The following HIVEP2 variants were observed in gnomAD, a reference collection of about 807,000 sequenced individuals.
HIVEP2 encodes HIVEP zinc finger 2, also known as transcription factor HIVEP2.
A neutral mutation model predicts 180.7 loss-of-function variants in HIVEP2; 14 were observed. That is an observed-to-expected ratio of 0.08 (90% CI 0.05 to 0.12). The LOEUF is 0.12. HIVEP2 is among the 10% of genes least tolerant of loss of function. HIVEP2 has a pLI of 1.00. For synonymous variants in HIVEP2, 1,184 were observed against 1,136.4 expected, an observed-to-expected ratio of 1.04 and a Z score of -0.84; for missense variants, 2,579 against 3,008.5, an observed-to-expected ratio of 0.86 and a Z score of 3.34.
intron 6 of HIVEP2, among the ~76,000 whole-genome samples, chr6:142,766,395 C>T (rs191955188): frequency 5.3e-4 from 80 of 152,192 alleles, no homozygotes; most frequent in African/African-American, 1.9e-3. Flanking sequence ...TTATCTTTGT[C>T]TTTTGCAATA....
chr6:142,774,308 T>C lies in HIVEP2; in HGVS notation c.431A>G (p.His144Arg), dbSNP rs750106501. The C allele has an allele frequency of 3.1e-6, 5 of 1,613,988 alleles. No homozygotes were observed. Among genetic ancestry groups the C allele is most frequent in the East Asian group, 2.2e-5 (1 of 44,890 alleles). The stretch of plus-strand genomic sequence containing the variant: ...TCTAGGATAACCACCACTGTGGCCA[T>C]GTATAGGAAAAGGAAATAAGTCCTC... ...ASEDLFPFPI[H>R]GHSGGYPRKK... The change falls in exon 5 of 10, where the codon CAT becomes CGT. Residue 144 changes from histidine (H) to arginine (R), a missense_variant. Around this residue, in one of 11 missense-constraint regions of HIVEP2, gnomAD observed 207 missense variants for 210.1 expected, o/e 0.99. Coordinates refer to ENST00000367603, the MANE Select transcript of HIVEP2 (RefSeq NM_006734.4). The surrounding 1 kb of genome is among the most constrained non-coding windows in gnomAD (Gnocchi z 5.1).
intron 3 of HIVEP2, among the ~76,000 whole-genome samples, chr6:142,777,329 T>A (rs182641608): frequency 1.3e-5 from 2 of 151,944 alleles, no homozygotes; most frequent in African/African-American, 4.8e-5. Context: ...GATAGTAACA[T>A]TAAATGCAAG....
intron 1 of HIVEP2, chr6:142,944,780 A>T (rs1582984327): frequency 6.6e-6 from 1 of 152,334 alleles, no homozygotes. Flanking sequence ...ACAGACAAAC[A>T]CGCATGCAAA....
At chr6:142,874,217 T>C (rs941348940) in intron 1 of HIVEP2, among the ~76,000 whole-genome samples, 2 of 152,178 alleles carry the variant, frequency 1.3e-5, no homozygotes, top group African/African-American at 2.4e-5. Context: ...TTTCAACTAC[T>C]CATGAATATA....
At chr6:142,861,588 G>T (rs1775978948) in intron 1 of HIVEP2, among the ~76,000 whole-genome samples, 1 of 152,088 alleles carries the variant, frequency 6.6e-6, no homozygotes, top group Admixed American at 6.6e-5. Flanking sequence ...GTTGGTAAAA[G>T]GTAATGAGTA....
chr6:142,925,140 G>C (rs1777774260), intron 1 of HIVEP2, among the ~76,000 whole-genome samples: 1 of 152,134 alleles, frequency 6.6e-6, no homozygotes, highest in East Asian at 1.9e-4. Flanking sequence ...AGTTCTCCTT[G>C]TTCTACCACA....
chr6:142,801,023 T>C (rs1360367368), intron 2 of HIVEP2, among the ~76,000 whole-genome samples: 1 of 151,884 alleles, frequency 6.6e-6, no homozygotes, highest in Admixed American at 6.6e-5. Context: ...CCTCACTATA[T>C]AGTGTGGGGA....
rs769811070 is a variant in HIVEP2, at chr6:142,771,544, T to C, written c.3195A>G (p.Ala1065=). The C allele has an allele frequency of 6.2e-7, 1 of 1,613,936 alleles. No homozygotes were observed. Among genetic ancestry groups the C allele is most frequent in the Middle Eastern group, 1.7e-4 (1 of 6,060 alleles). ...NLSHAPVSGA[A]ASTVSPSRER... is the part of the protein sequence containing the mutation. ...CCCTGGACGGTGATACCGTGGAGGC[T>C]GCTGCTCCCGACACAGGAGCATGGG... Residue 1065 remains alanine, a synonymous_variant, in exon 5 of 10, where the codon GCA becomes GCG. Coordinates refer to ENST00000367603, the MANE Select transcript of HIVEP2 (RefSeq NM_006734.4). The surrounding 1 kb of genome is among the most constrained non-coding windows in gnomAD (Gnocchi z 5.4).
In HIVEP2 at chr6:142,774,382, G is replaced by A. The variant is rs532517280; in HGVS notation, c.357C>T (p.Leu119=). 3.1e-6 allele frequency: 5 copies of A among 1,614,174 alleles called. No individual in the cohort carries two copies. The African/African-American group carries it at 4.0e-5, about 13-fold the overall frequency. Residue 119 remains leucine, a synonymous_variant, in exon 5 of 10, where the codon CTC becomes CTT. Transcript: ENST00000367603. The surrounding 1 kb of genome is among the most constrained non-coding windows in gnomAD (Gnocchi z 5.1). ...CAGGGAAAAGCCACGGAGGACCTTC[G>A]AGGCTCTGATGTGGCTTGGTGCTGT... is the stretch of plus-strand genomic sequence containing the variant. ...VMHSTKPHQS[L]EGPPWLFPGP...
At position 142,770,832 on chromosome 6, in the gene HIVEP2, T is replaced by C. The variant is rs1775517498; in HGVS notation, c.3907A>G (p.Ser1303Gly). 1 of 1,614,230 alleles carries C rather than the reference T, an allele frequency of 6.2e-7. No individual in the cohort carries two copies. Among genetic ancestry groups the C allele is most frequent in the Non-Finnish European group, 8.5e-7 (1 of 1,180,034 alleles). ...LLPKFPSDQSSKSTETPSEQV... is the reference protein window; with the variant it reads ...LLPKFPSDQSGKSTETPSEQV... ...TCAGAGGGCGTTTCAGTTGACTTAC[T>C]GCTCTGGTCTGATGGAAACTTTGGA... The change falls in exon 5 of 10, where the codon AGT (serine) becomes GGT (glycine). Residue 1303 changes from serine to glycine, a missense_variant. By Grantham distance (56) the Ser-to-Gly change is moderately conservative (BLOSUM62 0). Transcript: ENST00000367603. The surrounding 1 kb of genome is among the most constrained non-coding windows in gnomAD (Gnocchi z 4.7).
At chr6:142,910,652 C>A (rs1777378973) in intron 1 of HIVEP2, among the ~76,000 whole-genome samples, 2 of 152,124 alleles carry the variant, frequency 1.3e-5, no homozygotes, top group African/African-American at 4.8e-5. Context: ...CAACAACAAA[C>A]CTACACTTCT....
chr6:142,820,337 TC>T (rs1270576082), intron 2 of HIVEP2, among the ~76,000 whole-genome samples: 2 of 131,062 alleles, frequency 1.5e-5, no homozygotes, highest in South Asian at 4.7e-4. Context: ...CCTCACCACC[TC>T]CCCTCCCTCT....
At chr6:142,805,297 G>A (rs1467263935) in intron 2 of HIVEP2, among the ~76,000 whole-genome samples, 1 of 152,050 alleles carries the variant, frequency 6.6e-6, no homozygotes, top group African/African-American at 2.4e-5. Context: ...GCTCCCCATG[G>A]AGGGACAGGG....
In HIVEP2 at chr6:142,810,774, A is replaced by C. The variant is rs927962272; in HGVS notation, c.-528+26161T>G. Among the ~76,000 whole-genome samples the C allele has an allele frequency of 1.2e-4, 18 of 151,710 alleles. No individual in the cohort carries two copies. In the South Asian group the frequency reaches 3.3e-3, roughly 28 times the overall value. ...AAGACTCTGTCTCAAAAAAAAAAAA[A>C]AAAAACAAAAAAAGAAAGAAAGAAA... On this transcript the variant is annotated intron_variant, in intron 2 of 9. Coordinates refer to ENST00000367603, the MANE Select transcript of HIVEP2 (RefSeq NM_006734.4).
At chr6:142,920,003 T>C (rs1266057624) in intron 1 of HIVEP2, among the ~76,000 whole-genome samples, 2 of 152,236 alleles carry the variant, frequency 1.3e-5, no homozygotes, top group African/African-American at 4.8e-5. Context: ...TATATTTTTA[T>C]GTCATTAGAC....
intron 2 of HIVEP2, among the ~76,000 whole-genome samples, chr6:142,800,487 C>T (rs1582871245): frequency 6.6e-6 from 1 of 151,984 alleles, no homozygotes; most frequent in South Asian, 2.1e-4. Flanking sequence ...GCCTAATATG[C>T]TCAGAAACAA....
intron 9 of HIVEP2, 46 bp from the exon 10 acceptor site, chr6:142,753,977 C>T: frequency 9.8e-7 from 1 of 1,024,440 alleles, no homozygotes; most frequent in Non-Finnish European, 1.5e-6. Flanking sequence ...GCCTGCTACG[C>T]TTCATTCTTA....
chr6:142,930,839 T>G (rs1777927062), intron 1 of HIVEP2, among the ~76,000 whole-genome samples: 1 of 152,182 alleles, frequency 6.6e-6, no homozygotes, highest in Non-Finnish European at 1.5e-5. Context: ...AAATTATTTT[T>G]TATTACAATA....
At position 142,944,348 on chromosome 6, in the gene HIVEP2, G is replaced by C. The variant is rs560132189; in HGVS notation, c.-641+751C>G. 2.9e-5 allele frequency among the ~76,000 whole-genome samples: 4 copies of C among 139,744 alleles called. No homozygotes were observed. In the South Asian group the frequency reaches 9.2e-4, roughly 32 times the overall value. The allele number at this position is 139,744 out of a possible 152,430, so 91.7% of individuals were successfully genotyped here. ...GTGATAACAGCTGGGGTAGCAGAGC[G>C]GATCTGGAGTCCACCCCCCCCCCCC... On this transcript the variant is annotated intron_variant, in intron 1 of 9. Transcript: ENST00000367603.
Sources: allele counts gnomAD v4.1 joint callset (sites outside exome capture counted in the v4.1 genomes callset), GRCh38; gene constraint gnomAD v4.1.1; regional missense constraint gnomAD v4.1.1; non-coding constraint Gnocchi (gnomAD v3.1); transcripts MANE v1.5; gene names NCBI Gene and HGNC (gene_info 2026-07-23, HGNC 2026-07-21).